Variants in DNAH2 observed in about 807,000 individuals in gnomAD.
The protein encoded by DNAH2 is axonemal beta dynein heavy chain 2.
A neutral mutation model predicts 523.5 loss-of-function variants in DNAH2; 323 were observed. The ratio of observed to expected loss-of-function variants is 0.62; its 90% CI spans 0.56 to 0.68. The LOEUF (loss-of-function observed/expected upper bound fraction) is 0.68, where lower values mean the gene tolerates loss of function less well. Ranked by LOEUF, DNAH2 falls within the 30% of genes least tolerant of loss-of-function variation. DNAH2 has a pLI of 0.00. For synonymous variants in DNAH2, 2,093 were observed against 2,177.4 expected (o/e 0.96, Z 1.08); for missense variants, 4,907 against 5,701.5 (o/e 0.86, Z 4.49).
At chr17:7,722,708 C>T (rs1010824106) in intron 2 of DNAH2, among the ~76,000 whole-genome samples, 1 of 152,140 alleles carries the variant, frequency 6.6e-6, no homozygotes, top group African/African-American at 2.4e-5. Context: ...GTAGCATGAA[C>T]CACACCGCCA....
intron 12 of DNAH2, among the ~76,000 whole-genome samples, chr17:7,751,700 A>C (rs955955663): frequency 2.0e-5 from 3 of 152,044 alleles, no homozygotes; most frequent in African/African-American, 4.8e-5. Flanking sequence ...CATGTGCAGG[A>C]ACCAAACTGT....
At chr17:7,788,557 T>G (rs557618046) in intron 44 of DNAH2, among the ~76,000 whole-genome samples, 1 of 152,318 alleles carries the variant, frequency 6.6e-6, no homozygotes, top group East Asian at 1.9e-4. Context: ...TCCTCACTTC[T>G]CCATCCCTTC....
At chr17:7,757,903 T>C (rs2075889228) in intron 13 of DNAH2, among the ~76,000 whole-genome samples, 1 of 152,156 alleles carries the variant, frequency 6.6e-6, no homozygotes, top group South Asian at 2.1e-4. Context: ...AAGCCACTAA[T>C]TCCATTCATG....
At chr17:7,730,755 T>C (rs1242173645) in intron 4 of DNAH2, among the ~76,000 whole-genome samples, 2 of 151,152 alleles carry the variant, frequency 1.3e-5, no homozygotes, top group Admixed American at 6.6e-5. Context: ...AAGCCAAGAT[T>C]GTGCCACTGC....
intron 7 of DNAH2, 48 bp from the exon 8 acceptor site, chr17:7,737,019 A>C: frequency 1.4e-6 from 2 of 1,481,040 alleles, no homozygotes; most frequent in South Asian, 1.2e-5. Context: ...GTGTTGAATC[A>C]GTGCTTTCTA....
chr17:7,807,540 G>A lies in DNAH2; in HGVS notation c.9683G>A (p.Arg3228Gln), dbSNP rs1191367047. Reference sequence around the variant, plus strand: ...ATGAACGCTGCCTTGGCTCAGCTTCGGGAGAAGCAAGCCGCGCTCGCTGAG... The same window carrying A: ...ATGAACGCTGCCTTGGCTCAGCTTCAGGAGAAGCAAGCCGCGCTCGCTGAG... The part of the protein sequence containing the change: ...IRMNAALAQL[R>Q]EKQAALAEAQ... The change falls in exon 63 of 86, where the codon CGG (arginine) becomes CAG (glutamine). Residue 3228 changes from arginine to glutamine, a missense_variant. Arg to Gln is a conservative substitution (Grantham distance 43). Coordinates refer to ENST00000572933, the MANE Select transcript of DNAH2 (RefSeq NM_020877.5). This position sits in a 1 kb window ranked among gnomAD's most constrained non-coding sequence, Gnocchi z 5.6. The A allele has an allele frequency of 2.5e-6, 4 of 1,613,176 alleles. No individual in the cohort carries two copies. Among genetic ancestry groups the A allele is most frequent in the Non-Finnish European group, 2.5e-6 (3 of 1,180,006 alleles).
chr17:7,804,760 C>T (rs141108814), intron 59 of DNAH2, among the ~76,000 whole-genome samples, 198 bp from the exon 60 acceptor site: 4 of 151,990 alleles, frequency 2.6e-5, no homozygotes, highest in South Asian at 2.1e-4. Context: ...GCAGGAGAAT[C>T]GCTTAAACCC....
At chr17:7,802,510 G>T (rs865962028) in intron 58 of DNAH2, among the ~76,000 whole-genome samples, 25 of 152,232 alleles carry the variant, frequency 1.6e-4, no homozygotes, top group South Asian at 4.1e-4. Flanking sequence ...TGTAACTTAT[G>T]CACGTTCCTC....
intron 26 of DNAH2, 49 bp downstream of exon 26, chr17:7,770,688 C>G: frequency 6.2e-7 from 1 of 1,613,556 alleles, no homozygotes; most frequent in Non-Finnish European, 8.5e-7. Flanking sequence ...GTGACCCAGG[C>G]TGCAGAGTGG....
Position 7,780,838 on chromosome 17 carries a change from A to G in DNAH2, c.6003+56A>G, listed in dbSNP as rs2076585834. 2 of 1,609,790 alleles carry G rather than the reference A, an allele frequency of 1.2e-6. No homozygotes were observed. Among genetic ancestry groups the G allele is most frequent in the East Asian group, 2.2e-5 (1 of 44,830 alleles). On this transcript the variant is annotated intron_variant, in intron 38 of 85. Coordinates refer to ENST00000572933, the MANE Select transcript of DNAH2 (RefSeq NM_020877.5). The surrounding 1 kb of genome is among the most constrained non-coding windows in gnomAD (Gnocchi z 4.4). ...CTTCCACTGTCACTGGACCTATGTC[A>G]CTTCTCTCAAGTCTTTCAGACCCTT...
chr17:7,757,328 C>A, intron 13 of DNAH2, 91 bp downstream of exon 13: 1 of 1,460,224 alleles, frequency 6.8e-7, no homozygotes, highest in Non-Finnish European at 9.2e-7. Flanking sequence ...TCATTTTCTA[C>A]AATTTCTGTC....
rs558361952 is a variant in DNAH2 at position 7,752,688 on chromosome 17, T to A, written c.1905-4403T>A. 1.1e-4 allele frequency among the ~76,000 whole-genome samples: 17 copies of A among 152,240 alleles called. 1 individual carries two copies. In the East Asian group the frequency reaches 3.3e-3, roughly 29 times the overall value. On this transcript the variant is annotated intron_variant, in intron 12 of 85. Coordinates refer to ENST00000572933, the MANE Select transcript of DNAH2 (RefSeq NM_020877.5). ...TTGCGCCACTGCACTCCAGCCTGGGTGACAGAGCAAGACTCCGTCTCAAAA... is the reference window on the plus strand; with the variant it reads ...TTGCGCCACTGCACTCCAGCCTGGGAGACAGAGCAAGACTCCGTCTCAAAA...
rs758815443 is a variant in DNAH2 at position 7,798,148 on chromosome 17, C to T, written c.8231-9C>T. On this transcript the variant is annotated splice_polypyrimidine_tract_variant and intron_variant, in intron 53 of 85. Coordinates refer to ENST00000572933, the MANE Select transcript of DNAH2 (RefSeq NM_020877.5). The surrounding 1 kb of genome is among the most constrained non-coding windows in gnomAD (Gnocchi z 5.5). ...CAACTCATTACCCTCACACCCACCC[C>T]ACCCCCAGTCACACGGATCGTGCGG... is the stretch of plus-strand genomic sequence containing the variant. 11 of 1,581,372 alleles carry T rather than the reference C, an allele frequency of 7.0e-6. No homozygotes were observed. The highest frequency in any genetic ancestry group is 6.9e-6 in the Non-Finnish European group (8 of 1,157,010).
chr17:7,780,808 C>T lies in DNAH2; in HGVS notation c.6003+26C>T. On this transcript the variant is annotated intron_variant, in intron 38 of 85. Coordinates refer to ENST00000572933, the MANE Select transcript of DNAH2 (RefSeq NM_020877.5). The surrounding 1 kb of genome is among the most constrained non-coding windows in gnomAD (Gnocchi z 4.4). Reference sequence around the variant, plus strand: ...GTAGAGCAAGGACACAGCCTTTGGACCTGACTTCCACTGTCACTGGACCTA... The same window carrying T: ...GTAGAGCAAGGACACAGCCTTTGGATCTGACTTCCACTGTCACTGGACCTA... 1 of 1,613,830 alleles carries T rather than the reference C, an allele frequency of 6.2e-7. No individual in the cohort carries two copies. Among genetic ancestry groups the T allele is most frequent in the Non-Finnish European group, 8.5e-7 (1 of 1,179,928 alleles).
In DNAH2 at chr17:7,817,757, G is replaced by A. The variant is rs2077717809; in HGVS notation, c.10170-33G>A. ...GGGCGGTACGGGAGCATGGGAGAGA[G>A]GGCCTCACCTCTGACCTGTACTCCC... On this transcript the variant is annotated intron_variant, in intron 66 of 85. Transcript: ENST00000572933. The A allele has an allele frequency of 5.0e-6, 8 of 1,614,104 alleles. No individual in the cohort carries two copies. The East Asian group carries it at 1.8e-4, about 36-fold the overall frequency.
chr17:7,824,301 C>T lies in DNAH2; in HGVS notation c.11659C>T (p.Gln3887Ter). 6.6e-7 allele frequency: 1 copy of T among 1,520,888 alleles called. No homozygotes were observed. The highest frequency in any genetic ancestry group is 8.8e-7 in the Non-Finnish European group (1 of 1,138,738). 94.2% of individuals were successfully genotyped at this position (1,520,888 alleles called of 1,614,324 possible). The change falls in exon 76 of 86, where the codon CAG becomes TAG. Residue 3887 changes from glutamine (Q) to a stop codon, truncating the protein, a stop_gained. Transcript: ENST00000572933. LOFTEE classifies it high-confidence loss of function. ...TCGGCTCCTCCGAGAGGGTGTGACTCAGGGTTGGTGTCCATCCTTTCTTCC... is the reference window on the plus strand; with the variant it reads ...TCGGCTCCTCCGAGAGGGTGTGACTTAGGGTTGGTGTCCATCCTTTCTTCC... Reference protein sequence around the residue: ...AARLLREGVTQGHWVFLANCH... With the variant: ...AARLLREGVT
chr17:7,767,897 T>G lies in DNAH2; in HGVS notation c.3676-3T>G, dbSNP rs1156609310. ...TCATGCAACGCGCCTTTCTGCCCTG[T>G]AGGAGCTCGATGCCCTCCAGCAAAT... On this transcript the variant is annotated splice_polypyrimidine_tract_variant and splice_region_variant and intron_variant, in intron 22 of 85. Coordinates refer to ENST00000572933, the MANE Select transcript of DNAH2 (RefSeq NM_020877.5). 1 of 1,613,906 alleles carries G rather than the reference T, an allele frequency of 6.2e-7. No homozygotes were observed. Among genetic ancestry groups the G allele is most frequent in the Non-Finnish European group, 8.5e-7 (1 of 1,180,000 alleles).
intron 48 of DNAH2, 103 bp downstream of exon 48, chr17:7,793,308 T>G (rs1014997701): frequency 2.5e-6 from 3 of 1,214,408 alleles, no homozygotes; most frequent in Non-Finnish European, 3.4e-6. Flanking sequence ...CATCTTGGAT[T>G]CCTTCCCACA....
chr17:7,794,705 G>A (rs1399706694), intron 49 of DNAH2, among the ~76,000 whole-genome samples: 1 of 151,770 alleles, frequency 6.6e-6, no homozygotes, highest in Non-Finnish European at 1.5e-5. Flanking sequence ...ATTTAAGGGG[G>A]CACCCAAAAG....
Sources: allele counts gnomAD v4.1 joint callset (sites outside exome capture counted in the v4.1 genomes callset), GRCh38; gene constraint gnomAD v4.1.1; non-coding constraint Gnocchi (gnomAD v3.1); transcripts MANE v1.5; gene names NCBI Gene and HGNC (gene_info 2026-07-23, HGNC 2026-07-21).